The following WNT3A variants were observed in gnomAD, a reference collection of about 807,000 sequenced individuals.
The protein encoded by WNT3A is Wnt family member 3A.
In WNT3A, 17 loss-of-function variants were observed where a neutral mutation model predicts 37.0. That is an observed-to-expected ratio of 0.46 (90% confidence interval 0.31 to 0.69). The LOEUF (loss-of-function observed/expected upper bound fraction) is 0.69, where lower values mean the gene tolerates loss of function less well. WNT3A is among the 30% of genes least tolerant of loss of function. The pLI is 0.05. For synonymous variants in WNT3A, 187 were observed against 211.0 expected, an observed-to-expected ratio of 0.89 and a Z score of 0.99; for missense variants, 411 against 510.2, an observed-to-expected ratio of 0.81 and a Z score of 1.87.
intron 2 of WNT3A, among the ~76,000 whole-genome samples, chr1:228,030,516 A>C (rs1024177068): frequency 3.9e-5 from 6 of 152,196 alleles, no homozygotes; most frequent in Non-Finnish European, 5.9e-5. Context: ...TGACCCAGTG[A>C]GAAAGAGAGG....
chr1:228,025,379 C>T (rs993471924), intron 2 of WNT3A, among the ~76,000 whole-genome samples: 1 of 152,078 alleles, frequency 6.6e-6, no homozygotes, highest in South Asian at 2.1e-4. Flanking sequence ...GACAGGGTCT[C>T]ACTCTGTTGC....
chr1:228,028,385 C>T (rs1031856906), intron 2 of WNT3A, among the ~76,000 whole-genome samples: 1 of 151,254 alleles, frequency 6.6e-6, no homozygotes, highest in African/African-American at 2.4e-5. Flanking sequence ...CCTCTGCCTC[C>T]CAGGTTCAAG....
intron 2 of WNT3A, among the ~76,000 whole-genome samples, chr1:228,027,283 TA>T (rs1205510207): frequency 6.6e-6 from 1 of 152,238 alleles, no homozygotes; most frequent in Non-Finnish European, 1.5e-5. Flanking sequence ...TTCCTTTGGG[TA>T]GATACCCAGT....
chr1:228,025,493 C>T (rs2030831125), intron 2 of WNT3A, among the ~76,000 whole-genome samples: 1 of 152,130 alleles, frequency 6.6e-6, no homozygotes, highest in Non-Finnish European at 1.5e-5. Flanking sequence ...GGACCACAGG[C>T]ATGCGCCACC....
intron 3 of WNT3A, 136 bp downstream of exon 3, chr1:228,051,057 G>A (rs2031543901): frequency 8.4e-7 from 1 of 1,191,518 alleles, no homozygotes; most frequent in Non-Finnish European, 1.1e-6. Context: ...CCCTGCCTGG[G>A]GTGTGCGAAG....
chr1:228,019,637 G>A (rs991358280), intron 1 of WNT3A, among the ~76,000 whole-genome samples: 8 of 152,198 alleles, frequency 5.3e-5, no homozygotes, highest in Admixed American at 2.0e-4. Flanking sequence ...ATCTGGAAAA[G>A]ATGCAGCCTT....
intron 2 of WNT3A, among the ~76,000 whole-genome samples, chr1:228,035,919 C>T (rs757453251): frequency 1.7e-4 from 26 of 152,208 alleles, no homozygotes; most frequent in Non-Finnish European, 3.4e-4. Flanking sequence ...CCTCCTACCT[C>T]CTCATGGCTT....
At chr1:228,026,376 G>A (rs1487657808) in intron 2 of WNT3A, among the ~76,000 whole-genome samples, 1 of 152,136 alleles carries the variant, frequency 6.6e-6, no homozygotes, top group East Asian at 1.9e-4. Context: ...TCCTTCCCTC[G>A]CTCCTGATCT....
chr1:228,058,688 C>T (rs758697862), intron 3 of WNT3A, among the ~76,000 whole-genome samples: 5 of 152,264 alleles, frequency 3.3e-5, no homozygotes, highest in Middle Eastern at 3.2e-3. Context: ...TGGCATCCCA[C>T]GCTGCAGCTC....
chr1:228,044,926 C>G (rs982233986), intron 2 of WNT3A, among the ~76,000 whole-genome samples: 2 of 152,202 alleles, frequency 1.3e-5, no homozygotes, highest in African/African-American at 4.8e-5. Flanking sequence ...GACTTCTTGT[C>G]TTCAGTCTTC....
chr1:228,047,578 A>G (rs945698337), intron 2 of WNT3A, among the ~76,000 whole-genome samples: 4 of 152,156 alleles, frequency 2.6e-5, no homozygotes, highest in African/African-American at 9.7e-5. Context: ...GCCTGCAACC[A>G]CATGCCTGTG....
intron 1 of WNT3A, among the ~76,000 whole-genome samples, chr1:228,018,750 G>GGT (rs2030605802): frequency 6.6e-6 from 1 of 152,136 alleles, no homozygotes; most frequent in Non-Finnish European, 1.5e-5. Flanking sequence ...GCCAAAATCT[G>GGT]GTGGCCCAGT....
At chr1:228,035,437 G>A (rs2031114529) in intron 2 of WNT3A, among the ~76,000 whole-genome samples, 1 of 152,212 alleles carries the variant, frequency 6.6e-6, no homozygotes, top group Admixed American at 6.5e-5. Context: ...GGCAGGCCCA[G>A]CAGTGACAGA....
chr1:228,011,569 T>C (rs1205697777), intron 1 of WNT3A, among the ~76,000 whole-genome samples: 1 of 152,206 alleles, frequency 6.6e-6, no homozygotes, highest in Non-Finnish European at 1.5e-5. Context: ...CGTCTCTGTC[T>C]CTATCTCTCT....
chr1:228,059,524 TG>T lies in WNT3A; in HGVS notation c.*62del. ...CCCTGCCTGAGGGTGGGCTTTTCCC[TG>T]GGTGGAGCAGGACTCCCACCTAAAC... On this transcript the variant is annotated 3_prime_UTR_variant, in exon 4 of 4. Coordinates refer to ENST00000284523, the MANE Select transcript of WNT3A (RefSeq NM_033131.4). The T allele has an allele frequency of 6.9e-7, 1 of 1,450,914 alleles. No homozygotes were observed. The highest frequency in any genetic ancestry group is 9.0e-7 in the Non-Finnish European group (1 of 1,108,590). The allele number at this position is 1,450,914 out of a possible 1,614,324, so 89.9% of individuals were successfully genotyped here.
intron 2 of WNT3A, among the ~76,000 whole-genome samples, chr1:228,047,215 C>G (rs1040681828): frequency 1.2e-4 from 18 of 152,132 alleles, no homozygotes; most frequent in African/African-American, 4.3e-4. Context: ...GGTGTCCAGG[C>G]CTGACTTGGA....
At chr1:228,045,767 G>A (rs373124691) in intron 2 of WNT3A, among the ~76,000 whole-genome samples, 1 of 152,202 alleles carries the variant, frequency 6.6e-6, no homozygotes, top group Non-Finnish European at 1.5e-5. Flanking sequence ...AACAGCGGAG[G>A]TTGCATGATG....
At chr1:228,015,903 C>T (rs1016381744) in intron 1 of WNT3A, among the ~76,000 whole-genome samples, 1 of 152,122 alleles carries the variant, frequency 6.6e-6, no homozygotes, top group Non-Finnish European at 1.5e-5. Context: ...CTGGCTGGGG[C>T]CACGCTTGTC....
chr1:228,020,885 T>C (rs902601243), intron 1 of WNT3A, among the ~76,000 whole-genome samples: 14 of 152,012 alleles, frequency 9.2e-5, no homozygotes, highest in African/African-American at 3.1e-4. Context: ...GGTAGACATA[T>C]TGGGGACCCT....
Sources: gnomAD v4.1 joint callset for allele counts (sites outside exome capture counted in the v4.1 genomes callset) on GRCh38, gnomAD v4.1.1 for gene constraint, MANE v1.5 for transcripts, NCBI Gene and HGNC (gene_info 2026-07-23, HGNC 2026-07-21) for gene names.